CNGB3: variants seen among roughly 807,000 people sequenced by gnomAD.
CNGB3 encodes the protein cyclic nucleotide gated channel subunit beta 3.
Under a neutral mutation model 92.8 loss-of-function variants are expected in CNGB3, and 86 were observed. The ratio of observed to expected loss-of-function variants is 0.93; its 90% CI spans 0.78 to 1.11. CNGB3 has a LOEUF of 1.11. Among genes scored for constraint, CNGB3 ranks in the 50% least tolerant of loss-of-function variants. The pLI, the probability that CNGB3 is intolerant of heterozygous loss-of-function variation, is 0.00. For synonymous variants in CNGB3, 333 were observed against 332.7 expected, an observed-to-expected ratio of 1.00 and a Z score of -0.01; for missense variants, 1,026 against 956.8, an observed-to-expected ratio of 1.07 and a Z score of -0.95.
At chr8:86,595,942 A>T (rs377607342) in intron 15 of CNGB3, among the ~76,000 whole-genome samples, 1 of 152,206 alleles carries the variant, frequency 6.6e-6, no homozygotes, top group South Asian at 2.1e-4. Flanking sequence ...GACTAATGTA[A>T]TAGGGGAAAA....
chr8:86,607,520 C>T (rs536920702), intron 14 of CNGB3, among the ~76,000 whole-genome samples: 1 of 152,260 alleles, frequency 6.6e-6, no homozygotes, highest in East Asian at 1.9e-4. Flanking sequence ...AAGAGCAGTG[C>T]TACTCAAAGT....
At chr8:86,680,812 G>A (rs1824068525) in intron 3 of CNGB3, among the ~76,000 whole-genome samples, 1 of 152,104 alleles carries the variant, frequency 6.6e-6, no homozygotes, top group Non-Finnish European at 1.5e-5. Flanking sequence ...TGGAGTGAGA[G>A]GAGGTTGTGG....
At chr8:86,609,408 A>C (rs190588376) in intron 14 of CNGB3, among the ~76,000 whole-genome samples, 4 of 152,268 alleles carry the variant, frequency 2.6e-5, no homozygotes, top group Non-Finnish European at 2.9e-5. Context: ...ACTTGGACTA[A>C]TTTGTGTGGG....
At chr8:86,735,344 G>A (rs1016486860) in intron 2 of CNGB3, among the ~76,000 whole-genome samples, 13 of 151,248 alleles carry the variant, frequency 8.6e-5, no homozygotes, top group Non-Finnish European at 1.2e-4. Flanking sequence ...GGGTTTCACC[G>A]TGTTAGCCAG....
At chr8:86,691,478 TC>T (rs1824312770) in intron 3 of CNGB3, among the ~76,000 whole-genome samples, 1 of 152,192 alleles carries the variant, frequency 6.6e-6, no homozygotes, top group Admixed American at 6.5e-5. Context: ...TTTCAACTTT[TC>T]CCCATTCAGT....
At chr8:86,602,282 T>C (rs969065403) in intron 15 of CNGB3, among the ~76,000 whole-genome samples, 1 of 152,008 alleles carries the variant, frequency 6.6e-6, no homozygotes, top group African/African-American at 2.4e-5. Flanking sequence ...CCTCAGAGGA[T>C]CACCTTAACA....
chr8:86,656,787 G>A (rs1214189990), intron 6 of CNGB3, among the ~76,000 whole-genome samples: 1 of 151,962 alleles, frequency 6.6e-6, no homozygotes, highest in Non-Finnish European at 1.5e-5. Flanking sequence ...AACAGAAGTT[G>A]CATCACCAGG....
At chr8:86,695,946 T>G (rs77577834) in intron 3 of CNGB3, among the ~76,000 whole-genome samples, 1,632 of 152,138 alleles carry the variant, frequency 0.011, 35 homozygotes, top group African/African-American at 0.037. Flanking sequence ...GTAGGGCTAC[T>G]GGGTGCCAGG....
chr8:86,688,060 G>A (rs552664777), intron 3 of CNGB3, among the ~76,000 whole-genome samples: 28 of 152,008 alleles, frequency 1.8e-4, no homozygotes, highest in Non-Finnish European at 2.2e-4. Context: ...TGCAAAAGGT[G>A]TATGGGTTTA....
At chr8:86,668,200 T>C (rs1250669842) in intron 4 of CNGB3, 32 bp from the exon 5 acceptor site, 7 of 1,611,392 alleles carry the variant, frequency 4.3e-6, no homozygotes, top group Non-Finnish European at 5.9e-6. Flanking sequence ...GATGAAACAT[T>C]TGAAGAGGTT....
Position 86,652,832 on chromosome 8 carries a change from G to A in CNGB3, c.903+1180C>T, listed in dbSNP as rs554469727. 3.3e-5 allele frequency among the ~76,000 whole-genome samples: 5 copies of A among 152,182 alleles called. No individual in the cohort carries two copies. The South Asian group carries it at 8.3e-4, about 25-fold the overall frequency. On this transcript the variant is annotated intron_variant, in intron 7 of 17. Coordinates refer to ENST00000320005, the MANE Select transcript of CNGB3 (RefSeq NM_019098.5). ...CAATTAACTTTTAAAAAAATTCATA[G>A]GAGTACATTCCGAAATAACAATAAA...
chr8:86,712,527 C>T (rs920529927), intron 3 of CNGB3, among the ~76,000 whole-genome samples: 2 of 152,060 alleles, frequency 1.3e-5, no homozygotes, highest in African/African-American at 4.8e-5. Flanking sequence ...GTTACTCCAG[C>T]ACTACTTACT....
intron 10 of CNGB3, among the ~76,000 whole-genome samples, chr8:86,636,104 C>T (rs1032522561): frequency 2.6e-5 from 4 of 151,770 alleles, no homozygotes; most frequent in Non-Finnish European, 4.4e-5. Flanking sequence ...ATGCTTGCTT[C>T]GTCACATATT....
intron 15 of CNGB3, among the ~76,000 whole-genome samples, chr8:86,603,093 A>G (rs1345837905): frequency 6.6e-6 from 1 of 152,182 alleles, no homozygotes; most frequent in African/African-American, 2.4e-5. Flanking sequence ...CAGGTCAAAT[A>G]TTATCTCCCT....
Position 86,626,047 on chromosome 8 carries a change from G to A in CNGB3, c.1514C>T (p.Thr505Met), listed in dbSNP as rs755207461. ...ESDLLKTLPT[T>M]VQLALAIDVN... ...ATCAATGGCGAGGGCTAACTGGACC[G>A]TAGTTGGTAGGGTCTTAAGCAAATC... The change falls in exon 13 of 18, where the codon ACG becomes ATG. Residue 505 changes from threonine (T) to methionine (M), a missense_variant. Physicochemically the swap from Thr to Met is moderately conservative, Grantham distance 81. Transcript: ENST00000320005. 6.8e-6 allele frequency: 11 copies of A among 1,613,690 alleles called. No individual in the cohort carries two copies. The highest frequency in any genetic ancestry group is 2.2e-5 in the South Asian group (2 of 91,066).
rs886063159 is a variant in CNGB3 at position 86,575,598 on chromosome 8, C to T, written c.*206G>A. The T allele has an allele frequency of 4.2e-5, 21 of 501,608 alleles. No individual in the cohort carries two copies. The highest frequency in any genetic ancestry group is 2.9e-4 in the South Asian group (8 of 27,878). The allele number at this position is 501,608 out of a possible 1,614,324, so 31.1% of individuals were successfully genotyped here. A position where few individuals can be genotyped will look rare whatever the true frequency, so the allele number is the denominator to read the frequency against. ...AGCAATTGCATAAAGTTAATGAAAACGGAGAATAGGGATGGCTTTTAATAA... is the reference window on the plus strand; with the variant it reads ...AGCAATTGCATAAAGTTAATGAAAATGGAGAATAGGGATGGCTTTTAATAA... On this transcript the variant is annotated 3_prime_UTR_variant, in exon 18 of 18. Coordinates refer to ENST00000320005, the MANE Select transcript of CNGB3 (RefSeq NM_019098.5).
chr8:86,731,485 C>G (rs1825154568), intron 2 of CNGB3, among the ~76,000 whole-genome samples: 2 of 152,162 alleles, frequency 1.3e-5, no homozygotes, highest in Admixed American at 1.3e-4. Context: ...GTGGATCCAT[C>G]TAAGTTAGTT....
chr8:86,647,250 T>C (rs1823306605), intron 8 of CNGB3, among the ~76,000 whole-genome samples: 1 of 150,940 alleles, frequency 6.6e-6, no homozygotes, highest in African/African-American at 2.4e-5. Context: ...ATTTAACTAA[T>C]TCCCTCTTGA....
intron 3 of CNGB3, among the ~76,000 whole-genome samples, chr8:86,722,887 A>G (rs906563359): frequency 1.3e-5 from 2 of 152,108 alleles, no homozygotes; most frequent in African/African-American, 4.8e-5. Context: ...CTGGAACTAT[A>G]TCATTGGCTT....
Sources: allele counts gnomAD v4.1 joint callset (sites outside exome capture counted in the v4.1 genomes callset), GRCh38; gene constraint gnomAD v4.1.1; transcripts MANE v1.5; gene names NCBI Gene and HGNC (gene_info 2026-07-23, HGNC 2026-07-21).